The following NUP153 variants were observed in gnomAD, a reference collection of about 807,000 sequenced individuals.
NUP153 encodes the protein nuclear pore complex protein Nup153.
Under a neutral mutation model 134.6 loss-of-function variants are expected in NUP153, and 27 were observed. The ratio of observed to expected loss-of-function variants is 0.20; its 90% CI spans 0.15 to 0.28. The LOEUF is 0.28. NUP153 is among the 10% of genes least tolerant of loss of function. The probability of loss-of-function intolerance (pLI) is 1.00; values close to 1 mark genes in which losing one functional copy is unlikely to be tolerated. For missense variants in NUP153, 1,821 were observed against 1,731.3 expected (o/e 1.05, Z -0.92); for synonymous variants, 640 against 623.5 (o/e 1.03, Z -0.40).
At chr6:17,618,184 T>A (rs1335554925) in intron 20 of NUP153, among the ~76,000 whole-genome samples, 1 of 152,098 alleles carries the variant, frequency 6.6e-6, no homozygotes, top group Non-Finnish European at 1.5e-5. Flanking sequence ...CTTTCCCAAG[T>A]AAAATAATGC....
At chr6:17,659,270 T>A (rs1410699019) in intron 11 of NUP153, among the ~76,000 whole-genome samples, 1 of 152,224 alleles carries the variant, frequency 6.6e-6, no homozygotes, top group Non-Finnish European at 1.5e-5. Context: ...AAAGCACAGA[T>A]TTTTGTGCTA....
chr6:17,616,290 G>GGGCCCC, intron 21 of NUP153, 109 bp from the exon 22 acceptor site: 1 of 473,880 alleles, frequency 2.1e-6, no homozygotes. Context: ...GGTGGGGGGG[G>GGGCCCC]AGTAGACTCA....
rs552010010 is a variant in NUP153 at position 17,706,463 on chromosome 6, C to G, written c.-76G>C. Reference sequence around the variant, plus strand: ...GGCAGAGGCGGAGGCCTTAGAGAGCCTCCCCCGCCGCCCGGCCCCGGCCCA... The same window carrying G: ...GGCAGAGGCGGAGGCCTTAGAGAGCGTCCCCCGCCGCCCGGCCCCGGCCCA... On this transcript the variant is annotated 5_prime_UTR_variant, in exon 1 of 22. Coordinates refer to ENST00000262077, the MANE Select transcript of NUP153 (RefSeq NM_005124.4). This position sits in a 1 kb window ranked among gnomAD's most constrained non-coding sequence, Gnocchi z 5.9. 8.6e-7 allele frequency: 1 copy of G among 1,163,490 alleles called. No individual in the cohort carries two copies. The highest frequency in any genetic ancestry group is 2.5e-5 in the East Asian group (1 of 39,288). The allele number at this position is 1,163,490 out of a possible 1,614,324, so 72.1% of individuals were successfully genotyped here. A position where few individuals can be genotyped will look rare whatever the true frequency, so the allele number is the denominator to read the frequency against.
chr6:17,642,879 A>C (rs1765903588), intron 14 of NUP153, among the ~76,000 whole-genome samples: 1 of 152,234 alleles, frequency 6.6e-6, no homozygotes, highest in Non-Finnish European at 1.5e-5. Flanking sequence ...TTGAGACATA[A>C]GAACCTTGAA....
chr6:17,661,583 T>C (rs1013687077), intron 11 of NUP153, 70 bp downstream of exon 11: 2 of 1,481,228 alleles, frequency 1.4e-6, no homozygotes, highest in African/African-American at 1.4e-5. Flanking sequence ...CCCCTACAGG[T>C]CTCCCCTTAC....
chr6:17,695,791 T>C (rs545014510), intron 1 of NUP153, among the ~76,000 whole-genome samples: 8 of 152,152 alleles, frequency 5.3e-5, no homozygotes, highest in East Asian at 1.9e-4. Flanking sequence ...GGGCGGATCA[T>C]GAGGTCAGGA....
intron 11 of NUP153, among the ~76,000 whole-genome samples, chr6:17,657,463 C>CT (rs1766898688): frequency 6.6e-6 from 1 of 151,800 alleles, no homozygotes; most frequent in African/African-American, 2.4e-5. Flanking sequence ...ACTTGGGAGG[C>CT]TGAGACATGA....
chr6:17,626,022 T>G lies in NUP153; in HGVS notation c.3687A>C (p.Gly1229=), dbSNP rs145291906. 151 of 1,614,132 alleles carry G rather than the reference T, an allele frequency of 9.4e-5. 1 individual carries two copies. In the African/African-American group the frequency reaches 1.5e-3, roughly 16 times the overall value. ...AGCTGCTCACAGGATTGCTGGACTG[T>G]CCAAACACAAAGGTAGCCACAGGTG... ...SNPPVATFVF[G]QSSNPVSSSA... Residue 1229 remains glycine (G), a synonymous_variant, in exon 19 of 22, where the codon GGA becomes GGC. Transcript: ENST00000262077.
At chr6:17,651,171 T>C (rs1766475176) in intron 11 of NUP153, among the ~76,000 whole-genome samples, 1 of 151,988 alleles carries the variant, frequency 6.6e-6, no homozygotes, top group Admixed American at 6.6e-5. Context: ...CCAGGTGCAG[T>C]GGCATGCCTG....
chr6:17,618,758 G>A (rs1308458544), intron 20 of NUP153, among the ~76,000 whole-genome samples: 4 of 152,074 alleles, frequency 2.6e-5, no homozygotes, highest in South Asian at 2.1e-4. Flanking sequence ...AGTAGAGATG[G>A]GGTTTCACCG....
intron 2 of NUP153, among the ~76,000 whole-genome samples, chr6:17,681,382 C>T (rs143313125): frequency 0.019 from 2,191 of 116,484 alleles, 21 homozygotes; most frequent in Middle Eastern, 0.044. Context: ...GTCAGGAGAT[C>T]GAGACCATCC....
At chr6:17,646,407 T>A (rs6926424) in intron 13 of NUP153, among the ~76,000 whole-genome samples, 1 of 152,046 alleles carries the variant, frequency 6.6e-6, no homozygotes, top group South Asian at 2.1e-4. Context: ...GGGGTTTCAC[T>A]GTGTTAGCCA....
chr6:17,659,638 A>G (rs1019116934), intron 11 of NUP153, among the ~76,000 whole-genome samples: 6 of 152,102 alleles, frequency 3.9e-5, no homozygotes, highest in Admixed American at 1.3e-4. Context: ...ACACCCAGCT[A>G]ATTTTTGTAT....
At chr6:17,623,672 A>C (rs1764768538) in intron 20 of NUP153, among the ~76,000 whole-genome samples, 1 of 152,260 alleles carries the variant, frequency 6.6e-6, no homozygotes, top group African/African-American at 2.4e-5. Context: ...TATTCATACA[A>C]TGATTTACTC....
At position 17,624,620 on chromosome 6, in the gene NUP153, G is replaced by A. The variant is rs369260286; in HGVS notation, c.4115C>T (p.Pro1372Leu). 4 of 1,614,192 alleles carry A rather than the reference G, an allele frequency of 2.5e-6. No individual in the cohort carries two copies. Among genetic ancestry groups the A allele is most frequent in the East Asian group, 2.2e-5 (1 of 44,888 alleles). The change falls in exon 20 of 22, where the codon CCT becomes CTT. Residue 1372 changes from proline (P) to leucine (L), a missense_variant. Physicochemically the swap from Pro to Leu is moderately conservative, Grantham distance 98. Transcript: ENST00000262077. Reference sequence around the variant, plus strand: ...CTGACTAGGTTGCTGTCCAAACACAGGGGGCTGGCTACTGCTTGACACTGT... The same window carrying A: ...CTGACTAGGTTGCTGTCCAAACACAAGGGGCTGGCTACTGCTTGACACTGT... ...FGTVSSSSQP[P>L]VFGQQPSQSA...
chr6:17,684,097 T>C (rs146424102), intron 2 of NUP153, among the ~76,000 whole-genome samples: 4 of 152,170 alleles, frequency 2.6e-5, no homozygotes, highest in Non-Finnish European at 4.4e-5. Flanking sequence ...CCTTCTGCCA[T>C]GAGTAAAACC....
chr6:17,700,212 T>C (rs1199771117), intron 1 of NUP153, among the ~76,000 whole-genome samples: 5 of 152,066 alleles, frequency 3.3e-5, no homozygotes, highest in Non-Finnish European at 7.4e-5. Context: ...ATCAAACAGT[T>C]CTATTTAATT....
chr6:17,655,574 T>C (rs1254753031), intron 11 of NUP153, among the ~76,000 whole-genome samples: 1 of 151,790 alleles, frequency 6.6e-6, no homozygotes, highest in African/African-American at 2.4e-5. Flanking sequence ...CTGCCTCAGC[T>C]TCCCGAGTAG....
intron 2 of NUP153, among the ~76,000 whole-genome samples, chr6:17,682,465 A>G (rs1483552257): frequency 6.6e-6 from 1 of 152,176 alleles, no homozygotes; most frequent in Admixed American, 6.5e-5. Flanking sequence ...TGTGGCATGC[A>G]ATGTTTTTGA....
Sources: gnomAD v4.1 joint callset for allele counts (sites outside exome capture counted in the v4.1 genomes callset) on GRCh38, gnomAD v4.1.1 for gene constraint, Gnocchi (gnomAD v3.1) non-coding constraint, MANE v1.5 for transcripts, NCBI Gene and HGNC (gene_info 2026-07-23, HGNC 2026-07-21) for gene names.